PIK3C2G: variants seen among roughly 807,000 people sequenced by gnomAD.
PIK3C2G encodes the protein phosphatidylinositol 3-kinase C2 domain-containing subunit gamma.
In PIK3C2G, 168 loss-of-function variants were observed where a neutral mutation model predicts 181.1. The ratio of observed to expected loss-of-function variants is 0.93; its 90% CI spans 0.82 to 1.05. The LOEUF (loss-of-function observed/expected upper bound fraction) is 1.05, where lower values mean the gene tolerates loss of function less well. Ranked by LOEUF, PIK3C2G falls within the 50% of genes least tolerant of loss-of-function variation. The pLI is 0.00. For missense variants in PIK3C2G, 1,869 were observed against 1,732.8 expected (o/e 1.08, Z -1.40); for synonymous variants, 573 against 592.2 (o/e 0.97, Z 0.47).
At chr12:18,637,815 A>G (rs1949671471) in intron 31 of PIK3C2G, among the ~76,000 whole-genome samples, 2 of 152,110 alleles carry the variant, frequency 1.3e-5, no homozygotes, top group African/African-American at 4.8e-5. Flanking sequence ...TCCACTCTCC[A>G]TATGCTTTTA....
chr12:18,596,025 T>C (rs1187597468), intron 30 of PIK3C2G, among the ~76,000 whole-genome samples: 2 of 152,130 alleles, frequency 1.3e-5, no homozygotes, highest in East Asian at 3.9e-4. Context: ...GGCTCACCAT[T>C]GTATCCCTGG....
intron 9 of PIK3C2G, 150 bp downstream of exon 9, chr12:18,338,698 TG>T: frequency 3.3e-6 from 2 of 608,000 alleles, no homozygotes; most frequent in South Asian, 2.0e-5. Context: ...TGTGTGTGTG[TG>T]TGTGTGTGTG....
In PIK3C2G at chr12:18,488,507, G is replaced by C; in HGVS notation, c.2563G>C (p.Ala855Pro). The stretch of plus-strand genomic sequence containing the variant: ...TAAAAGCTGGTATCAGAAGCTACTA[G>C]CTGCTCTCCAATTCTGTGCAGGTAA... ...YFKSWYQKLL[A>P]ALQFCAGKAL... Residue 855 changes from alanine to proline, a missense_variant, in exon 19 of 33, where the codon GCT becomes CCT. Ala to Pro is a conservative substitution (Grantham distance 27). Transcript: ENST00000538779. 6.4e-7 allele frequency: 1 copy of C among 1,570,354 alleles called. No individual in the cohort carries two copies. The highest frequency in any genetic ancestry group is 8.6e-7 in the Non-Finnish European group (1 of 1,158,770).
chr12:18,587,873 TA>T (rs1267826446), intron 29 of PIK3C2G, among the ~76,000 whole-genome samples: 1 of 150,992 alleles, frequency 6.6e-6, no homozygotes, highest in Admixed American at 6.6e-5. Context: ...AGACAGTAAC[TA>T]AAACAGCATG....
chr12:18,510,128 C>A (rs1285514993), intron 24 of PIK3C2G, among the ~76,000 whole-genome samples: 1 of 152,142 alleles, frequency 6.6e-6, no homozygotes, highest in African/African-American at 2.4e-5. Context: ...CACCACCAAA[C>A]CCAGCTAACT....
intron 2 of PIK3C2G, 103 bp from the exon 3 acceptor site, chr12:18,286,744 A>G (rs1949462264): frequency 1.6e-6 from 1 of 638,800 alleles, no homozygotes; most frequent in East Asian, 3.0e-5. Context: ...AAAAAAAATT[A>G]AAAATGAAGT....
chr12:18,553,300 A>C (rs977207398), intron 26 of PIK3C2G, among the ~76,000 whole-genome samples: 1 of 152,128 alleles, frequency 6.6e-6, no homozygotes, highest in African/African-American at 2.4e-5. Flanking sequence ...TATCATTAAT[A>C]AAATAAAATG....
intron 29 of PIK3C2G, among the ~76,000 whole-genome samples, chr12:18,574,173 T>G (rs570897507): frequency 3.9e-5 from 6 of 152,306 alleles, no homozygotes; most frequent in Non-Finnish European, 7.4e-5. Flanking sequence ...ATATTCTAGA[T>G]TTCTTGGAGA....
the PIK3C2G span, among the ~76,000 whole-genome samples, chr12:18,686,218 A>G: frequency 6.6e-6 from 1 of 151,878 alleles, no homozygotes; most frequent in African/African-American, 2.4e-5. Context: ...TCTACTTTGT[A>G]TTTCTCATTT....
At chr12:18,451,168 G>C (rs889210547) in intron 18 of PIK3C2G, among the ~76,000 whole-genome samples, 4 of 152,132 alleles carry the variant, frequency 2.6e-5, no homozygotes, top group Non-Finnish European at 4.4e-5. Flanking sequence ...ACTTTGTGCA[G>C]TATGGCCATT....
intron 18 of PIK3C2G, among the ~76,000 whole-genome samples, chr12:18,462,751 T>C (rs565736408): frequency 5.3e-5 from 8 of 152,154 alleles, no homozygotes; most frequent in Non-Finnish European, 1.2e-4. Context: ...TTTTGGCAAG[T>C]TGGGTTTCTG....
intron 18 of PIK3C2G, among the ~76,000 whole-genome samples, chr12:18,477,634 T>C (rs1026673083): frequency 6.6e-6 from 1 of 152,214 alleles, no homozygotes; most frequent in Non-Finnish European, 1.5e-5. Flanking sequence ...GGACAAGTTC[T>C]TTTATGACAA....
chr12:18,582,848 C>A (rs929482322), intron 29 of PIK3C2G, among the ~76,000 whole-genome samples: 3 of 152,098 alleles, frequency 2.0e-5, no homozygotes, highest in African/African-American at 4.8e-5. Context: ...CTTCTCCTCA[C>A]TGGGCAAGGA....
chr12:18,481,933 T>C (rs931703883), intron 18 of PIK3C2G, among the ~76,000 whole-genome samples: 2 of 152,176 alleles, frequency 1.3e-5, no homozygotes, highest in Non-Finnish European at 2.9e-5. Context: ...TTTAACTGTC[T>C]TGGCTAGTTT....
chr12:18,548,773 C>A (rs1159522418), intron 26 of PIK3C2G, among the ~76,000 whole-genome samples: 1 of 152,018 alleles, frequency 6.6e-6, no homozygotes, highest in Non-Finnish European at 1.5e-5. Flanking sequence ...TAAAAGGCAT[C>A]AAATTATGGA....
At chr12:18,452,032 C>T (rs1195703163) in intron 18 of PIK3C2G, among the ~76,000 whole-genome samples, 1 of 152,120 alleles carries the variant, frequency 6.6e-6, no homozygotes, top group African/African-American at 2.4e-5. Context: ...CTGAAATTTT[C>T]TTTTTTTGTT....
intron 30 of PIK3C2G, among the ~76,000 whole-genome samples, chr12:18,607,518 T>A (rs1212341504): frequency 1.1e-4 from 16 of 152,116 alleles, no homozygotes; most frequent in South Asian, 4.1e-4. Flanking sequence ...TGAAACTGGA[T>A]CCCTTCCTTA....
intron 24 of PIK3C2G, among the ~76,000 whole-genome samples, chr12:18,512,317 T>A (rs1565464588): frequency 1.3e-5 from 2 of 151,816 alleles, no homozygotes; most frequent in Non-Finnish European, 3.0e-5. Flanking sequence ...GGTTCCATGA[T>A]AAGGATTGTT....
intron 6 of PIK3C2G, among the ~76,000 whole-genome samples, chr12:18,315,332 T>A (rs187873752): frequency 3.0e-4 from 45 of 152,108 alleles, no homozygotes; most frequent in Admixed American, 2.3e-3. Context: ...GGAAAAAAAA[T>A]GTTATAAAGT....
Sources: gnomAD v4.1 joint callset for allele counts (sites outside exome capture counted in the v4.1 genomes callset) on GRCh38, gnomAD v4.1.1 for gene constraint, MANE v1.5 for transcripts, NCBI Gene and HGNC (gene_info 2026-07-23, HGNC 2026-07-21) for gene names.